RAB39A: variants seen among roughly 807,000 people sequenced by gnomAD.
RAB39A encodes ras-related protein Rab-39A.
RAB39A carries 17 observed loss-of-function variants against 20.9 expected under a neutral mutation model. The observed-to-expected ratio is 0.81, with a 90% confidence interval of 0.56 to 1.22. The LOEUF (loss-of-function observed/expected upper bound fraction) is 1.22, where lower values mean the gene tolerates loss of function less well. Ranked by LOEUF, RAB39A falls within the 50% of genes most tolerant of loss-of-function variation. The pLI, the probability that RAB39A is intolerant of heterozygous loss-of-function variation, is 0.00. For missense variants in RAB39A, 234 were observed against 270.5 expected (o/e 0.87, Z 0.95); for synonymous variants, 99 against 103.4 (o/e 0.96, Z 0.26).
In RAB39A at chr11:107,948,895, C is replaced by A. The variant is rs138348932; in HGVS notation, c.228-13051C>A. ...ATGTAGATACTTTTCGTTGTTGAGC[C>A]CTGGAGTACGCTATGACTTTCTTTT... On this transcript the variant is annotated intron_variant, in intron 1 of 1. Coordinates refer to ENST00000320578, the MANE Select transcript of RAB39A (RefSeq NM_017516.3). Among the ~76,000 whole-genome samples, 274 of 152,186 alleles carry A rather than the reference C, an allele frequency of 1.8e-3. 2 individuals carry two copies. The highest frequency in any genetic ancestry group is 2.3e-3 in the East Asian group (12 of 5,182).
chr11:107,961,526 T>G (rs1861495447), intron 1 of RAB39A, among the ~76,000 whole-genome samples: 1 of 152,200 alleles, frequency 6.6e-6, no homozygotes, highest in South Asian at 2.1e-4. Flanking sequence ...CCTAAACTGA[T>G]AGAGAGAAGA....
At chr11:107,953,741 C>A (rs1257272519) in intron 1 of RAB39A, among the ~76,000 whole-genome samples, 1 of 152,202 alleles carries the variant, frequency 6.6e-6, no homozygotes, top group Non-Finnish European at 1.5e-5. Flanking sequence ...GCTTCCCACA[C>A]CACAGCTTCT....
rs1056515492 is a variant in RAB39A, at chr11:107,956,109, A to G, written c.228-5837A>G. Among the ~76,000 whole-genome samples, 6 of 152,190 alleles carry G rather than the reference A, an allele frequency of 3.9e-5. No homozygotes were observed. The East Asian group carries it at 9.6e-4, about 24-fold the overall frequency. On this transcript the variant is annotated intron_variant, in intron 1 of 1. Coordinates refer to ENST00000320578, the MANE Select transcript of RAB39A (RefSeq NM_017516.3). Reference sequence around the variant, plus strand: ...CACTGATAATGCTCATAGCAACTCAATGACCTCAGTGTGAGAACATAAGAC... The same window carrying G: ...CACTGATAATGCTCATAGCAACTCAGTGACCTCAGTGTGAGAACATAAGAC...
At position 107,930,911 on chromosome 11, in the gene RAB39A, A is replaced by G. The variant is rs187085312; in HGVS notation, c.227+2116A>G. 4.3e-4 allele frequency among the ~76,000 whole-genome samples: 66 copies of G among 152,196 alleles called. 6 individuals carry two copies. Among genetic ancestry groups the G allele is most frequent in the Admixed American group, 2.7e-3 (42 of 15,274 alleles). ...CAACTTATTGACAAGAAATTAAATG[A>G]TAATTAATTTGTTAGACTTTAAAGA... is the stretch of plus-strand genomic sequence containing the variant. On this transcript the variant is annotated intron_variant, in intron 1 of 1. Coordinates refer to ENST00000320578, the MANE Select transcript of RAB39A (RefSeq NM_017516.3).
intron 1 of RAB39A, among the ~76,000 whole-genome samples, chr11:107,947,447 C>T (rs998075827): frequency 2.6e-5 from 4 of 151,976 alleles, no homozygotes; most frequent in African/African-American, 9.7e-5. Flanking sequence ...TCTAGTCCAA[C>T]AAGTTCAATA....
At chr11:107,934,916 C>T (rs1478151561) in intron 1 of RAB39A, among the ~76,000 whole-genome samples, 3 of 127,944 alleles carry the variant, frequency 2.3e-5, no homozygotes, top group Non-Finnish European at 4.8e-5. Flanking sequence ...GGGACAAGAG[C>T]GAGACTTCGT....
At chr11:107,947,497 A>G (rs1016614575) in intron 1 of RAB39A, among the ~76,000 whole-genome samples, 2 of 152,204 alleles carry the variant, frequency 1.3e-5, no homozygotes, top group Admixed American at 1.3e-4. Flanking sequence ...AAGAGAAAAA[A>G]CAGAGGAGAG....
intron 1 of RAB39A, among the ~76,000 whole-genome samples, chr11:107,940,697 G>A (rs533201906): frequency 3.0e-4 from 45 of 152,138 alleles, no homozygotes; most frequent in Non-Finnish European, 4.1e-4. Context: ...CCTCGGCCGG[G>A]TGTGGTGGCT....
chr11:107,957,788 T>C (rs1861452264), intron 1 of RAB39A, among the ~76,000 whole-genome samples: 1 of 152,184 alleles, frequency 6.6e-6, no homozygotes, highest in Non-Finnish European at 1.5e-5. Context: ...ATCCATGCCA[T>C]TTATTTCTCT....
chr11:107,952,832 G>A (rs1010995091), intron 1 of RAB39A, among the ~76,000 whole-genome samples: 12 of 152,160 alleles, frequency 7.9e-5, no homozygotes, highest in African/African-American at 2.2e-4. Context: ...GCAGTGAGCC[G>A]AGATCACGCC....
chr11:107,953,972 C>A (rs377463636), intron 1 of RAB39A, among the ~76,000 whole-genome samples: 3 of 152,248 alleles, frequency 2.0e-5, no homozygotes, highest in African/African-American at 7.2e-5. Context: ...TCCCTATCTC[C>A]ACCACTGTTA....
intron 1 of RAB39A, among the ~76,000 whole-genome samples, chr11:107,948,005 A>AG (rs1406561980): frequency 7.9e-6 from 1 of 127,000 alleles, no homozygotes; most frequent in Non-Finnish European, 1.8e-5. Flanking sequence ...CACACACACA[A>AG]GTAAACCAGG....
intron 1 of RAB39A, among the ~76,000 whole-genome samples, chr11:107,935,003 TA>T (rs1861179940): frequency 6.7e-6 from 1 of 149,874 alleles, no homozygotes; most frequent in Admixed American, 6.6e-5. Context: ...GAGCAGCCCC[TA>T]ACTATTACCA....
intron 1 of RAB39A, among the ~76,000 whole-genome samples, chr11:107,956,986 C>T (rs1027865971): frequency 6.6e-6 from 1 of 152,088 alleles, no homozygotes; most frequent in African/African-American, 2.4e-5. Flanking sequence ...AGAATCACCA[C>T]AGTAAAAAAG....
In RAB39A at chr11:107,950,764, T is replaced by TAAAAAAAA. The variant is rs5794581; in HGVS notation, c.228-11172_228-11165dup. 3.7e-3 allele frequency among the ~76,000 whole-genome samples: 484 copies of TAAAAAAAA among 131,272 alleles called. 1 individual carries two copies. The highest frequency in any genetic ancestry group is 0.013 in the African/African-American group (459 of 34,308). 86.1% of individuals were successfully genotyped at this position (131,272 alleles called of 152,430 possible). On this transcript the variant is annotated intron_variant, in intron 1 of 1. Coordinates refer to ENST00000320578, the MANE Select transcript of RAB39A (RefSeq NM_017516.3). ...CTGGGCGACAGAGCGAGACCCTGTC[T>TAAAAAAAA]AAAAAAAAAAAAAAAAAGACAAAAT...
At chr11:107,951,789 C>G (rs1160592627) in intron 1 of RAB39A, among the ~76,000 whole-genome samples, 1 of 151,932 alleles carries the variant, frequency 6.6e-6, no homozygotes, top group Non-Finnish European at 1.5e-5. Flanking sequence ...CCGGCATCTA[C>G]TATAAATAAT....
intron 1 of RAB39A, among the ~76,000 whole-genome samples, chr11:107,929,184 CCT>C (rs1446062195): frequency 6.6e-6 from 1 of 152,208 alleles, no homozygotes; most frequent in Non-Finnish European, 1.5e-5. Flanking sequence ...CGACCACCCT[CCT>C]CCAAGCAGGC....
chr11:107,948,190 A>C (rs933238625), intron 1 of RAB39A, among the ~76,000 whole-genome samples: 7 of 152,298 alleles, frequency 4.6e-5, no homozygotes, highest in Non-Finnish European at 1.0e-4. Context: ...AGGAAGATGA[A>C]ATTGACAGAA....
intron 1 of RAB39A, among the ~76,000 whole-genome samples, chr11:107,943,570 C>CA (rs1306320458): frequency 0.022 from 1,219 of 55,932 alleles, 8 homozygotes; most frequent in African/African-American, 0.052. Flanking sequence ...GACTCCGTCT[C>CA]AAAAAAAAAA....
Sources: allele counts gnomAD v4.1 joint callset (sites outside exome capture counted in the v4.1 genomes callset), GRCh38; gene constraint gnomAD v4.1.1; transcripts MANE v1.5; gene names NCBI Gene and HGNC (gene_info 2026-07-23, HGNC 2026-07-21).